The following MARCHF1 variants were observed in gnomAD, a reference collection of about 807,000 sequenced individuals.
The protein encoded by MARCHF1 is E3 ubiquitin-protein ligase MARCHF1.
MARCHF1 carries 40 observed loss-of-function variants against 54.2 expected under a neutral mutation model. That is an observed-to-expected ratio of 0.74 (90% confidence interval 0.57 to 0.96). MARCHF1 has a LOEUF of 0.96. MARCHF1 is among the 40% of genes least tolerant of loss of function. The pLI is 0.00. For synonymous variants in MARCHF1, 236 were observed against 236.3 expected, an observed-to-expected ratio of 1.00 and a Z score of 0.01; for missense variants, 586 against 656.5, an observed-to-expected ratio of 0.89 and a Z score of 1.17.
chr4:163,588,147 A>G lies in MARCHF1; in HGVS notation c.1011-2218T>C, dbSNP rs1740471442. On this transcript the variant is annotated intron_variant, in intron 7 of 9. Transcript: ENST00000514618. ...GTCCCGGGGTGGAAGTGCTGGGATG[A>G]GAACACAGGGAAGGTCCGTATTAAT... 1.3e-5 allele frequency among the ~76,000 whole-genome samples: 2 copies of G among 152,190 alleles called. 1 individual carries two copies. The highest frequency in any genetic ancestry group is 4.1e-4 in the South Asian group (2 of 4,832).
At chr4:164,375,128 T>G (rs939857299) in intron 1 of MARCHF1, among the ~76,000 whole-genome samples, 2 of 152,184 alleles carry the variant, frequency 1.3e-5, no homozygotes, top group Non-Finnish European at 2.9e-5. Flanking sequence ...GCAATTTAAC[T>G]TCATTAAAAC....
At chr4:163,738,371 C>G (rs1746106558) in intron 4 of MARCHF1, among the ~76,000 whole-genome samples, 1 of 152,146 alleles carries the variant, frequency 6.6e-6, no homozygotes, top group Non-Finnish European at 1.5e-5. Context: ...GCTTCTGTTT[C>G]CCTCATGCCT....
At chr4:163,731,451 A>G (rs1745827104) in intron 4 of MARCHF1, among the ~76,000 whole-genome samples, 1 of 152,212 alleles carries the variant, frequency 6.6e-6, no homozygotes, top group Admixed American at 6.5e-5. Flanking sequence ...TGAGGCCTAC[A>G]ATTATCCCAT....
At chr4:163,975,637 G>A (rs1301794109) in intron 3 of MARCHF1, among the ~76,000 whole-genome samples, 1 of 152,134 alleles carries the variant, frequency 6.6e-6, no homozygotes, top group Non-Finnish European at 1.5e-5. Context: ...TGGCCCTTCA[G>A]TAAAAGCTTA....
intron 3 of MARCHF1, among the ~76,000 whole-genome samples, chr4:163,931,264 C>A (rs1476666594): frequency 6.6e-6 from 1 of 152,256 alleles, no homozygotes; most frequent in Non-Finnish European, 1.5e-5. Context: ...TTTATTATGG[C>A]AGCCTGAGCT....
chr4:163,770,472 T>C (rs1358984072), intron 4 of MARCHF1, among the ~76,000 whole-genome samples: 2 of 151,844 alleles, frequency 1.3e-5, no homozygotes, highest in Non-Finnish European at 2.9e-5. Flanking sequence ...GAATTAGTAC[T>C]GGTACATAAC....
At chr4:163,790,281 G>T (rs937966405) in intron 4 of MARCHF1, among the ~76,000 whole-genome samples, 1 of 151,954 alleles carries the variant, frequency 6.6e-6, no homozygotes, top group African/African-American at 2.4e-5. Flanking sequence ...AGCCTTTTTT[G>T]TTGTTATTTA....
chr4:163,667,874 A>G (rs769316024), intron 5 of MARCHF1, among the ~76,000 whole-genome samples: 31 of 151,978 alleles, frequency 2.0e-4, no homozygotes, highest in Non-Finnish European at 4.1e-4. Flanking sequence ...TGATTCACCC[A>G]CCTTGGCCTC....
At chr4:164,162,812 A>T (rs1476798466) in intron 1 of MARCHF1, among the ~76,000 whole-genome samples, 1 of 152,160 alleles carries the variant, frequency 6.6e-6, no homozygotes, top group Admixed American at 6.6e-5. Context: ...TAAGAAGAAA[A>T]CAGTATTTAG....
chr4:164,101,004 CT>C (rs1579533614), intron 2 of MARCHF1, among the ~76,000 whole-genome samples: 4 of 152,332 alleles, frequency 2.6e-5, no homozygotes, highest in East Asian at 3.9e-4. Flanking sequence ...GGGTGACGGA[CT>C]GCACCTGGAA....
intron 2 of MARCHF1, among the ~76,000 whole-genome samples, chr4:163,994,182 G>T (rs746331632): frequency 1.3e-5 from 2 of 151,636 alleles, no homozygotes; most frequent in Non-Finnish European, 2.9e-5. Flanking sequence ...CATGGCGGAA[G>T]GTCTTTAATT....
intron 4 of MARCHF1, among the ~76,000 whole-genome samples, chr4:163,799,511 A>G (rs1413186420): frequency 6.6e-6 from 1 of 152,152 alleles, no homozygotes; most frequent in Non-Finnish European, 1.5e-5. Flanking sequence ...TAGCATGTAA[A>G]AAGGCATATA....
At chr4:164,150,141 A>G (rs1729891379) in intron 1 of MARCHF1, among the ~76,000 whole-genome samples, 1 of 152,240 alleles carries the variant, frequency 6.6e-6, no homozygotes, top group East Asian at 1.9e-4. Flanking sequence ...TTACAAGTTA[A>G]TTACAGAGAT....
intron 1 of MARCHF1, among the ~76,000 whole-genome samples, chr4:164,237,200 C>T (rs1017573389): frequency 6.6e-6 from 1 of 152,048 alleles, no homozygotes; most frequent in Non-Finnish European, 1.5e-5. Flanking sequence ...CCCTATCAGC[C>T]CCAATTCTTT....
intron 1 of MARCHF1, among the ~76,000 whole-genome samples, chr4:164,273,937 A>C (rs370345000): frequency 3.3e-5 from 5 of 152,252 alleles, no homozygotes; most frequent in East Asian, 1.9e-4. Context: ...GTAAGGAATT[A>C]ATAAATAAAA....
intron 3 of MARCHF1, among the ~76,000 whole-genome samples, chr4:163,864,967 A>G (rs1750017981): frequency 6.6e-6 from 1 of 151,938 alleles, no homozygotes; most frequent in African/African-American, 2.4e-5. Context: ...TCACTGATTT[A>G]GGACTAAACA....
chr4:163,985,124 T>G (rs1752836951), intron 3 of MARCHF1, among the ~76,000 whole-genome samples: 1 of 152,096 alleles, frequency 6.6e-6, no homozygotes, highest in Admixed American at 6.5e-5. Flanking sequence ...ATTAATTATT[T>G]TGACTACTGT....
intron 4 of MARCHF1, among the ~76,000 whole-genome samples, chr4:163,703,364 T>C (rs1159547145): frequency 6.6e-6 from 1 of 152,174 alleles, no homozygotes; most frequent in East Asian, 1.9e-4. Context: ...GCCTTGCTTT[T>C]GAAGCAAAGC....
chr4:163,596,195 G>A (rs1204547551), intron 7 of MARCHF1, among the ~76,000 whole-genome samples: 2 of 152,040 alleles, frequency 1.3e-5, no homozygotes, highest in African/African-American at 4.8e-5. Flanking sequence ...GCAAAGGATG[G>A]ACCAAGCTGA....
Sources: gnomAD v4.1 joint callset for allele counts (sites outside exome capture counted in the v4.1 genomes callset) on GRCh38, gnomAD v4.1.1 for gene constraint, MANE v1.5 for transcripts, NCBI Gene and HGNC (gene_info 2026-07-23, HGNC 2026-07-21) for gene names.